Variants in ARSB observed in about 807,000 individuals in gnomAD.
ARSB encodes the protein N-acetylgalactosamine-4-sulfatase.
In ARSB, 41 loss-of-function variants were observed where a neutral mutation model predicts 50.9. That is an observed-to-expected ratio of 0.81 (90% CI 0.63 to 1.04). The LOEUF is 1.04. ARSB is among the 50% of genes least tolerant of loss of function. The pLI, the probability that ARSB is intolerant of heterozygous loss-of-function variation, is 0.00. For synonymous variants in ARSB, 269 were observed against 284.8 expected (o/e 0.94, Z 0.56); for missense variants, 672 against 693.3 (o/e 0.97, Z 0.35).
chr5:78,845,664 C>T (rs1257757162), intron 5 of ARSB, among the ~76,000 whole-genome samples: 2 of 151,992 alleles, frequency 1.3e-5, no homozygotes, highest in Non-Finnish European at 2.9e-5. Flanking sequence ...AATCTACTAG[C>T]CATTTGTATT....
rs552559380 is a variant in ARSB, at chr5:78,856,052, T to C, written c.1143-16626A>G. 2.0e-5 allele frequency among the ~76,000 whole-genome samples: 3 copies of C among 152,352 alleles called. No homozygotes were observed. In the South Asian group the frequency reaches 6.2e-4, roughly 32 times the overall value. On this transcript the variant is annotated intron_variant, in intron 5 of 7. Coordinates refer to ENST00000264914, the MANE Select transcript of ARSB (RefSeq NM_000046.5). The stretch of plus-strand genomic sequence containing the variant: ...AGCACTAGGGTCTTCTAGTCTACCA[T>C]CTTGCTGATGTCATGCTTCTTCAAC...
chr5:78,868,441 C>T (rs1195898657), intron 5 of ARSB, among the ~76,000 whole-genome samples: 7 of 104,600 alleles, frequency 6.7e-5, no homozygotes, highest in African/African-American at 2.6e-4. Context: ...AAAGGGAAGC[C>T]CATCAGACTA....
rs147348798 is a variant in ARSB, at chr5:78,977,291, T to C, written c.312+7646A>G. Among the ~76,000 whole-genome samples the C allele has an allele frequency of 3.9e-3, 599 of 152,102 alleles. 3 individuals carry two copies. The highest frequency in any genetic ancestry group is 0.013 in the African/African-American group (557 of 41,474). ...GCCTCAGCCTCATGAGTAGCTGGGA[T>C]TACAGGTGCGCACCATCATACCTGG... On this transcript the variant is annotated intron_variant, in intron 1 of 7. Coordinates refer to ENST00000264914, the MANE Select transcript of ARSB (RefSeq NM_000046.5).
At chr5:78,937,074 T>C (rs1407429598) in intron 4 of ARSB, among the ~76,000 whole-genome samples, 1 of 151,930 alleles carries the variant, frequency 6.6e-6, no homozygotes, top group African/African-American at 2.4e-5. Context: ...AACATAGCTC[T>C]TGCCTCACAG....
chr5:78,861,445 T>A (rs200918744), intron 5 of ARSB, among the ~76,000 whole-genome samples: 1 of 151,960 alleles, frequency 6.6e-6, no homozygotes. Context: ...CTGGGATGCA[T>A]GGCTGGTTCA....
intron 5 of ARSB, among the ~76,000 whole-genome samples, chr5:78,857,639 A>C (rs1746217500): frequency 6.6e-6 from 1 of 152,212 alleles, no homozygotes; most frequent in Non-Finnish European, 1.5e-5. Context: ...AGCTTCTTTA[A>C]GGTAGGCACC....
At chr5:78,812,902 G>T (rs1013804351) in intron 6 of ARSB, among the ~76,000 whole-genome samples, 4 of 152,122 alleles carry the variant, frequency 2.6e-5, no homozygotes, top group Admixed American at 2.6e-4. Context: ...GATATGGGAG[G>T]ATTGCTGGAG....
chr5:78,931,356 G>A (rs1198341422), intron 4 of ARSB, among the ~76,000 whole-genome samples: 1 of 152,006 alleles, frequency 6.6e-6, no homozygotes, highest in African/African-American at 2.4e-5. Flanking sequence ...TAATACTGGT[G>A]CCCCCTTTGA....
chr5:78,911,461 C>T (rs1384278496), intron 4 of ARSB, among the ~76,000 whole-genome samples: 1 of 151,562 alleles, frequency 6.6e-6, no homozygotes, highest in Non-Finnish European at 1.5e-5. Context: ...GTAATTCCAG[C>T]TACTCAGGAG....
chr5:78,894,210 A>C (rs558635045), intron 4 of ARSB, among the ~76,000 whole-genome samples: 1 of 152,360 alleles, frequency 6.6e-6, no homozygotes, highest in South Asian at 2.1e-4. Flanking sequence ...TGGTTTCAAA[A>C]GAACAGGTGT....
At chr5:78,932,595 A>G (rs1750380752) in intron 4 of ARSB, among the ~76,000 whole-genome samples, 1 of 152,224 alleles carries the variant, frequency 6.6e-6, no homozygotes, top group African/African-American at 2.4e-5. Flanking sequence ...TGAGCTCTGA[A>G]ATCAGACAGG....
At chr5:78,922,930 C>G (rs957951336) in intron 4 of ARSB, among the ~76,000 whole-genome samples, 1 of 152,128 alleles carries the variant, frequency 6.6e-6, no homozygotes, top group African/African-American at 2.4e-5. Flanking sequence ...ACTATAATAA[C>G]AGATTCTTAA....
chr5:78,907,146 G>A (rs74829470), intron 4 of ARSB, among the ~76,000 whole-genome samples: 2,538 of 152,254 alleles, frequency 0.017, 78 homozygotes, highest in African/African-American at 0.058. Flanking sequence ...GAGGTGACAC[G>A]GAGGCCGTTC....
At chr5:78,873,671 A>G (rs1472653903) in intron 5 of ARSB, among the ~76,000 whole-genome samples, 2 of 150,198 alleles carry the variant, frequency 1.3e-5, no homozygotes, top group East Asian at 3.9e-4. Flanking sequence ...AATTTTTTGT[A>G]TTTTTAGTAG....
chr5:78,867,632 A>G (rs988265551), intron 5 of ARSB, among the ~76,000 whole-genome samples: 3 of 152,236 alleles, frequency 2.0e-5, no homozygotes, highest in Non-Finnish European at 4.4e-5. Context: ...GAAAACTCAC[A>G]AACAGAAAGG....
chr5:78,882,380 T>C (rs577220379), intron 5 of ARSB, among the ~76,000 whole-genome samples: 20 of 152,306 alleles, frequency 1.3e-4, no homozygotes, highest in Non-Finnish European at 2.5e-4. Flanking sequence ...TAGAGGCTGC[T>C]TCTGGGGCCT....
chr5:78,876,643 G>T (rs1747496332), intron 5 of ARSB, among the ~76,000 whole-genome samples: 1 of 152,182 alleles, frequency 6.6e-6, no homozygotes, highest in African/African-American at 2.4e-5. Flanking sequence ...CAGAGACCAA[G>T]GGAGCTTGAG....
At chr5:78,853,639 T>A (rs1414722753) in intron 5 of ARSB, among the ~76,000 whole-genome samples, 2 of 152,214 alleles carry the variant, frequency 1.3e-5, no homozygotes, top group East Asian at 3.9e-4. Context: ...GTCTTTTTGT[T>A]TGTCTGTGCC....
At chr5:78,787,093 T>A (rs79222089) in intron 6 of ARSB, among the ~76,000 whole-genome samples, 83 of 141,520 alleles carry the variant, frequency 5.9e-4, no homozygotes, top group African/African-American at 2.3e-3. Flanking sequence ...TCGATAACCA[T>A]CTATCTATCT....
Sources: allele counts gnomAD v4.1 joint callset (sites outside exome capture counted in the v4.1 genomes callset), GRCh38; gene constraint gnomAD v4.1.1; transcripts MANE v1.5; gene names NCBI Gene and HGNC (gene_info 2026-07-23, HGNC 2026-07-21).